The following DNAH6 variants were observed in gnomAD, a reference collection of about 807,000 sequenced individuals.
DNAH6 encodes the protein axonemal beta dynein heavy chain 6.
A neutral mutation model predicts 491.4 loss-of-function variants in DNAH6; 340 were observed. That is an observed-to-expected ratio of 0.69 (90% confidence interval 0.63 to 0.76). DNAH6 has a LOEUF of 0.76. Ranked by LOEUF, DNAH6 falls within the 30% of genes least tolerant of loss-of-function variation. The probability of loss-of-function intolerance (pLI) is 0.00; values close to 1 mark genes in which losing one functional copy is unlikely to be tolerated. For missense variants in DNAH6, 4,443 were observed against 4,972.2 expected (o/e 0.89, Z 3.20); for synonymous variants, 1,603 against 1,686.1 (o/e 0.95, Z 1.21).
intron 76 of DNAH6, among the ~76,000 whole-genome samples, chr2:84,818,484 CAAAAAAAAAAAAAAAAA>C (rs59242387): frequency 7.8e-5 from 5 of 63,832 alleles, no homozygotes; most frequent in African/African-American, 1.0e-4. Context: ...GACCCTATCT[CAAAAAAAAAAAAAAAAA>C]AAAAAAAAAA....
At chr2:84,788,167 T>C (rs1401794491) in intron 68 of DNAH6, among the ~76,000 whole-genome samples, 2 of 152,116 alleles carry the variant, frequency 1.3e-5, no homozygotes, top group Admixed American at 6.6e-5. Flanking sequence ...GGAGGTTACT[T>C]TGTACTCCTG....
At chr2:84,585,933 A>G (rs1295881825) in intron 15 of DNAH6, among the ~76,000 whole-genome samples, 1 of 152,200 alleles carries the variant, frequency 6.6e-6, no homozygotes, top group Non-Finnish European at 1.5e-5. Flanking sequence ...CCCAGCCCCC[A>G]GCCTTCAGGC....
intron 4 of DNAH6, among the ~76,000 whole-genome samples, chr2:84,530,066 A>T (rs976419646): frequency 3.9e-5 from 6 of 152,358 alleles, no homozygotes; most frequent in African/African-American, 1.2e-4. Flanking sequence ...TCGTTCAGCA[A>T]AATTTATTGA....
intron 47 of DNAH6, among the ~76,000 whole-genome samples, 174 bp from the exon 48 acceptor site, chr2:84,699,420 C>T (rs148744185): frequency 1.0e-3 from 157 of 152,302 alleles, no homozygotes; most frequent in African/African-American, 3.5e-3. Flanking sequence ...TTTAATCTTT[C>T]CAGACTGTGT....
At chr2:84,703,632 A>G in intron 50 of DNAH6, 70 bp downstream of exon 50, 1 of 1,279,846 alleles carries the variant, frequency 7.8e-7, no homozygotes, top group South Asian at 2.3e-5. Flanking sequence ...ATAATGAGAC[A>G]CGATTGGATT....
At position 84,681,442 on chromosome 2, in the gene DNAH6, A is replaced by G; in HGVS notation, c.6830A>G (p.Tyr2277Cys). The change falls in exon 42 of 77, where the codon TAT (tyrosine) becomes TGT (cysteine). Residue 2277 changes from tyrosine (Y) to cysteine (C), a missense_variant. Tyr to Cys is a radical substitution (Grantham distance 194, BLOSUM62 -2). Coordinates refer to ENST00000389394, the MANE Select transcript of DNAH6 (RefSeq NM_001370.2). ...ATTGTAGAAGCCTCAGTTGAGATTT[A>G]TAACAAAATGAGTGTTGACCTCCTG... ...SSIVEASVEI[Y>C]NKMSVDLLPT... 1 of 1,551,574 alleles carries G rather than the reference A, an allele frequency of 6.4e-7. No homozygotes were observed. Among genetic ancestry groups the G allele is most frequent in the Non-Finnish European group, 8.7e-7 (1 of 1,146,912 alleles).
chr2:84,520,586 C>T (rs1219261014), intron 2 of DNAH6, among the ~76,000 whole-genome samples: 3 of 152,040 alleles, frequency 2.0e-5, no homozygotes, highest in Non-Finnish European at 4.4e-5. Context: ...ACCCTCCTCC[C>T]TCAAGTAGAC....
At chr2:84,596,221 A>C (rs1684563754) in intron 18 of DNAH6, among the ~76,000 whole-genome samples, 1 of 152,202 alleles carries the variant, frequency 6.6e-6, no homozygotes, top group South Asian at 2.1e-4. Context: ...GCAGGTGTAC[A>C]GGTCTGAATT....
chr2:84,606,643 G>A (rs1685801400), intron 20 of DNAH6, among the ~76,000 whole-genome samples: 1 of 152,128 alleles, frequency 6.6e-6, no homozygotes, highest in Non-Finnish European at 1.5e-5. Context: ...GCAAGCCCAG[G>A]TGACCAAATT....
Position 84,588,519 on chromosome 2 carries a change from T to C in DNAH6, c.2482-307T>C, listed in dbSNP as rs145503481. Among the ~76,000 whole-genome samples, 54 of 152,326 alleles carry C rather than the reference T, an allele frequency of 3.5e-4. 1 individual carries two copies. The East Asian group carries it at 0.01, about 28-fold the overall frequency. ...CCCTTCCTTCTCTTCCCTGTTTCAT[T>C]CACCTCTCCTTATCTAAGGTCATGT... On this transcript the variant is annotated intron_variant, in intron 15 of 76. Transcript: ENST00000389394.
chr2:84,492,464 A>G, the DNAH6 span, among the ~76,000 whole-genome samples: 2 of 152,170 alleles, frequency 1.3e-5, no homozygotes, highest in East Asian at 1.9e-4. Context: ...GAAGGATTCT[A>G]TTATGTATAT....
At chr2:84,759,650 A>G (rs1253534556) in intron 63 of DNAH6, among the ~76,000 whole-genome samples, 1 of 152,212 alleles carries the variant, frequency 6.6e-6, no homozygotes, top group Non-Finnish European at 1.5e-5. Context: ...TCTGATGCCC[A>G]TGGATAAGAA....
chr2:84,703,687 C>CA, intron 50 of DNAH6, 125 bp downstream of exon 50: 1 of 860,968 alleles, frequency 1.2e-6, no homozygotes, highest in Non-Finnish European at 1.6e-6. Flanking sequence ...ATAGATTTAG[C>CA]AAAGTTTTTT....
intron 63 of DNAH6, among the ~76,000 whole-genome samples, chr2:84,759,662 A>G (rs1674381816): frequency 6.6e-6 from 1 of 152,206 alleles, no homozygotes; most frequent in African/African-American, 2.4e-5. Flanking sequence ...GGATAAGAAG[A>G]ATTACTATCA....
intron 64 of DNAH6, among the ~76,000 whole-genome samples, chr2:84,765,784 A>T (rs1250460819): frequency 6.6e-6 from 1 of 152,138 alleles, no homozygotes; most frequent in Non-Finnish European, 1.5e-5. Context: ...ATCAAGTTAG[A>T]TTTCAAAAAC....
At chr2:84,529,615 C>T (rs1676960334) in intron 4 of DNAH6, among the ~76,000 whole-genome samples, 1 of 152,106 alleles carries the variant, frequency 6.6e-6, no homozygotes, top group Non-Finnish European at 1.5e-5. Flanking sequence ...AATATCCACA[C>T]ACTTTCTGTG....
At chr2:84,734,801 T>C (rs1043022767) in intron 62 of DNAH6, among the ~76,000 whole-genome samples, 1 of 152,204 alleles carries the variant, frequency 6.6e-6, no homozygotes, top group African/African-American at 2.4e-5. Context: ...TAAAAATAGG[T>C]TTACAGTTAA....
At chr2:84,773,798 T>C (rs1200317715) in intron 64 of DNAH6, among the ~76,000 whole-genome samples, 6 of 152,140 alleles carry the variant, frequency 3.9e-5, no homozygotes, top group Non-Finnish European at 8.8e-5. Context: ...TGTGAAATGG[T>C]ATCTCATTGT....
chr2:84,741,810 T>C (rs1454835882), intron 62 of DNAH6, among the ~76,000 whole-genome samples: 1 of 152,106 alleles, frequency 6.6e-6, no homozygotes, highest in Admixed American at 6.5e-5. Flanking sequence ...TGGGTTCCCT[T>C]TCTAGAGAAA....
Sources: allele counts gnomAD v4.1 joint callset (sites outside exome capture counted in the v4.1 genomes callset), GRCh38; gene constraint gnomAD v4.1.1; transcripts MANE v1.5; gene names NCBI Gene and HGNC (gene_info 2026-07-23, HGNC 2026-07-21).